Variants in ATP8A1 observed in about 807,000 individuals in gnomAD.
The protein encoded by ATP8A1 is ATPase phospholipid transporting 8A1.
Under a neutral mutation model 177.7 loss-of-function variants are expected in ATP8A1, and 90 were observed. The ratio of observed to expected loss-of-function variants is 0.51; its 90% confidence interval spans 0.43 to 0.60. ATP8A1 has a LOEUF of 0.60. Among genes scored for constraint, ATP8A1 ranks in the 20% least tolerant of loss-of-function variants. ATP8A1 has a pLI of 0.00. For synonymous variants in ATP8A1, 493 were observed against 485.9 expected (o/e 1.01, Z -0.19); for missense variants, 1,072 against 1,392.8 (o/e 0.77, Z 3.67).
At chr4:42,453,440 T>C (rs1007460486) in intron 29 of ATP8A1, among the ~76,000 whole-genome samples, 2 of 152,186 alleles carry the variant, frequency 1.3e-5, no homozygotes, top group African/African-American at 4.8e-5. Flanking sequence ...CAAATGGGTA[T>C]AGAAATTGTA....
At chr4:42,653,023 GTA>G (rs1375237661) in intron 1 of ATP8A1, among the ~76,000 whole-genome samples, 1 of 140,888 alleles carries the variant, frequency 7.1e-6, no homozygotes, top group Non-Finnish European at 1.6e-5. Flanking sequence ...CCAGTCTTGG[GTA>G]TGTTTTTATT....
chr4:42,453,297 T>G (rs1389064962), intron 29 of ATP8A1, among the ~76,000 whole-genome samples: 1 of 152,248 alleles, frequency 6.6e-6, no homozygotes, highest in Admixed American at 6.5e-5. Flanking sequence ...CTGTGCATTT[T>G]GTAGCCATTT....
chr4:42,470,409 C>T (rs909729859), intron 25 of ATP8A1, among the ~76,000 whole-genome samples: 13 of 152,028 alleles, frequency 8.6e-5, no homozygotes, highest in Non-Finnish European at 1.8e-4. Context: ...TTGTTTTGCA[C>T]TCTTAATGGG....
At chr4:42,575,351 C>A (rs1257316649) in intron 13 of ATP8A1, among the ~76,000 whole-genome samples, 1 of 152,144 alleles carries the variant, frequency 6.6e-6, no homozygotes, top group Non-Finnish European at 1.5e-5. Context: ...TTGAAAATAG[C>A]CAATATGTTG....
At chr4:42,540,144 A>T (rs1728235896) in intron 20 of ATP8A1, among the ~76,000 whole-genome samples, 1 of 152,198 alleles carries the variant, frequency 6.6e-6, no homozygotes, top group Non-Finnish European at 1.5e-5. Flanking sequence ...GCATTTCTCA[A>T]AAGAAGACAT....
intron 6 of ATP8A1, among the ~76,000 whole-genome samples, chr4:42,597,092 C>A (rs1162781432): frequency 6.6e-6 from 1 of 152,134 alleles, no homozygotes; most frequent in African/African-American, 2.4e-5. Context: ...GTCTGCCCAG[C>A]TGTGAATGAT....
intron 13 of ATP8A1, among the ~76,000 whole-genome samples, chr4:42,575,267 C>T (rs1732329101): frequency 6.6e-6 from 1 of 152,204 alleles, no homozygotes. Context: ...ACTAGACTCA[C>T]ATAGCTTCGT....
Position 42,470,216 on chromosome 4 carries a change from C to T in ATP8A1, c.2325-5140G>A, listed in dbSNP as rs147643796. On this transcript the variant is annotated intron_variant, in intron 25 of 36. Coordinates refer to ENST00000381668, the MANE Select transcript of ATP8A1 (RefSeq NM_006095.2). ...GTGGTCCTTTCTGATACAACCTAGA[C>T]GTGCACTGAGTGCAATATGCTTTTC... is the stretch of plus-strand genomic sequence containing the variant. Among the ~76,000 whole-genome samples, 12 of 152,338 alleles carry T rather than the reference C, an allele frequency of 7.9e-5. No individual in the cohort carries two copies. In the East Asian group the frequency reaches 1.5e-3, roughly 20 times the overall value.
chr4:42,623,783 T>G (rs1019460484), intron 4 of ATP8A1, among the ~76,000 whole-genome samples: 2 of 152,004 alleles, frequency 1.3e-5, no homozygotes, highest in African/African-American at 2.4e-5. Context: ...GGTGATGAAA[T>G]AATCTGTACA....
chr4:42,579,501 AGTT>A (rs1732802648), intron 11 of ATP8A1, among the ~76,000 whole-genome samples: 1 of 150,422 alleles, frequency 6.6e-6, no homozygotes, highest in Non-Finnish European at 1.5e-5. Context: ...TTTACCATAT[AGTT>A]AACCACCTAT....
At chr4:42,542,387 G>C (rs1042613412) in intron 20 of ATP8A1, among the ~76,000 whole-genome samples, 1 of 151,904 alleles carries the variant, frequency 6.6e-6, no homozygotes, top group African/African-American at 2.4e-5. Flanking sequence ...TTGTAAACTG[G>C]ACATTTATCA....
chr4:42,584,474 G>T (rs867413179), intron 9 of ATP8A1, among the ~76,000 whole-genome samples: 2 of 152,158 alleles, frequency 1.3e-5, no homozygotes, highest in Non-Finnish European at 2.9e-5. Context: ...CTTGCCAAAC[G>T]TAAATATGTT....
chr4:42,419,613 T>C (rs2153166870), intron 35 of ATP8A1, among the ~76,000 whole-genome samples: 1 of 152,302 alleles, frequency 6.6e-6, no homozygotes, highest in East Asian at 1.9e-4. Context: ...CTGGAAGATA[T>C]AAAATAACAT....
At chr4:42,565,900 G>C (rs1029674605) in intron 15 of ATP8A1, among the ~76,000 whole-genome samples, 1 of 152,154 alleles carries the variant, frequency 6.6e-6, no homozygotes, top group Admixed American at 6.5e-5. Flanking sequence ...TCAATCCAAA[G>C]TATTGATACT....
chr4:42,636,151 C>CGT (rs1739337517), intron 1 of ATP8A1, among the ~76,000 whole-genome samples: 1 of 43,194 alleles, frequency 2.3e-5, no homozygotes, highest in African/African-American at 7.3e-5. Flanking sequence ...CACACACACA[C>CGT]ACACACGCAC....
chr4:42,620,879 C>T (rs1226961265), intron 4 of ATP8A1, among the ~76,000 whole-genome samples: 1 of 152,192 alleles, frequency 6.6e-6, no homozygotes, highest in African/African-American at 2.4e-5. Context: ...GTTACATGAC[C>T]TCTCTAAGCC....
chr4:42,495,014 C>T (rs1723120672), intron 24 of ATP8A1, among the ~76,000 whole-genome samples: 1 of 152,148 alleles, frequency 6.6e-6, no homozygotes, highest in Non-Finnish European at 1.5e-5. Context: ...TTAAAATCTA[C>T]TATAAATTAA....
chr4:42,500,365 A>AAAAACAAAAC (rs142164207), intron 24 of ATP8A1, among the ~76,000 whole-genome samples: 2,163 of 149,406 alleles, frequency 0.014, 50 homozygotes, highest in African/African-American at 0.048. Context: ...ACTCGGTCTC[A>AAAAACAAAAC]AAAACAAAAC....
chr4:42,569,727 C>T (rs1026225862), intron 14 of ATP8A1, among the ~76,000 whole-genome samples: 1 of 152,106 alleles, frequency 6.6e-6, no homozygotes, highest in African/African-American at 2.4e-5. Flanking sequence ...TTAAATGGAA[C>T]CTTAGTTTAA....
Sources: allele counts gnomAD v4.1 joint callset (sites outside exome capture counted in the v4.1 genomes callset), GRCh38; gene constraint gnomAD v4.1.1; transcripts MANE v1.5; gene names NCBI Gene and HGNC (gene_info 2026-07-23, HGNC 2026-07-21).